Variants in NKAIN2 observed in about 807,000 individuals in gnomAD.
The protein encoded by NKAIN2 is sodium/potassium-transporting ATPase subunit beta-1-interacting protein 2.
In NKAIN2, 14 loss-of-function variants were observed where a neutral mutation model predicts 32.6. The ratio of observed to expected loss-of-function variants is 0.43; its 90% CI spans 0.28 to 0.67. The LOEUF is 0.67. Among genes scored for constraint, NKAIN2 ranks in the 30% least tolerant of loss-of-function variants. The pLI, the probability that NKAIN2 is intolerant of heterozygous loss-of-function variation, is 0.17. For missense variants in NKAIN2, 198 were observed against 258.3 expected (o/e 0.77, Z 1.60); for synonymous variants, 80 against 87.2 (o/e 0.92, Z 0.46).
chr6:123,835,022 T>C (rs1774556056), intron 1 of NKAIN2, among the ~76,000 whole-genome samples: 1 of 152,194 alleles, frequency 6.6e-6, no homozygotes. Flanking sequence ...CTTAGTCTTT[T>C]GTTTTCTTGT....
At chr6:124,733,196 GT>G (rs1476394572) in intron 4 of NKAIN2, among the ~76,000 whole-genome samples, 1 of 151,898 alleles carries the variant, frequency 6.6e-6, no homozygotes, top group Non-Finnish European at 1.5e-5. Flanking sequence ...TACAGGGGAT[GT>G]TTTAGGGTGG....
chr6:124,359,398 G>C (rs544552219), intron 3 of NKAIN2, among the ~76,000 whole-genome samples: 71 of 152,058 alleles, frequency 4.7e-4, no homozygotes, highest in African/African-American at 1.5e-3. Flanking sequence ...TTCTTCTTAC[G>C]CATGAGCATG....
At chr6:123,894,218 G>A (rs1172732449) in intron 1 of NKAIN2, among the ~76,000 whole-genome samples, 1 of 152,018 alleles carries the variant, frequency 6.6e-6, no homozygotes, top group African/African-American at 2.4e-5. Flanking sequence ...TCCTGTTCAT[G>A]GCTGGTGACT....
chr6:123,912,226 CTAA>C (rs2114461135), intron 1 of NKAIN2, among the ~76,000 whole-genome samples: 1 of 152,010 alleles, frequency 6.6e-6, no homozygotes, highest in African/African-American at 2.4e-5. Flanking sequence ...AAATATATGA[CTAA>C]TGACTGGATT....
chr6:124,235,602 G>T (rs1316366513), intron 1 of NKAIN2, among the ~76,000 whole-genome samples: 6 of 147,460 alleles, frequency 4.1e-5, no homozygotes, highest in African/African-American at 1.5e-4. Flanking sequence ...TTTTTTTGTT[G>T]TTTTTTTTTT....
chr6:123,913,410 A>G (rs1040277562), intron 1 of NKAIN2, among the ~76,000 whole-genome samples: 1 of 152,142 alleles, frequency 6.6e-6, no homozygotes, highest in Non-Finnish European at 1.5e-5. Flanking sequence ...TTAGGTCATG[A>G]CCATCTTCTC....
intron 1 of NKAIN2, among the ~76,000 whole-genome samples, chr6:123,837,684 A>AG (rs1421327408): frequency 6.6e-6 from 1 of 152,148 alleles, no homozygotes; most frequent in East Asian, 1.9e-4. Flanking sequence ...TACCACTCAG[A>AG]GTAAAACCGA....
chr6:123,865,764 A>G (rs1301252432), intron 1 of NKAIN2, among the ~76,000 whole-genome samples: 1 of 152,166 alleles, frequency 6.6e-6, no homozygotes, highest in Non-Finnish European at 1.5e-5. Context: ...ACCAAAATCA[A>G]TGGTGGTTGG....
chr6:124,595,139 A>G (rs996008494), intron 3 of NKAIN2, among the ~76,000 whole-genome samples: 9 of 152,214 alleles, frequency 5.9e-5, no homozygotes, highest in Non-Finnish European at 4.4e-5. Context: ...CTGAGATTAG[A>G]AATCATGAAT....
chr6:123,858,063 A>G (rs1055554661), intron 1 of NKAIN2, among the ~76,000 whole-genome samples: 1 of 152,174 alleles, frequency 6.6e-6, no homozygotes, highest in Admixed American at 6.5e-5. Context: ...GAAGAAAGGA[A>G]TTTAAATATT....
chr6:124,171,708 G>T (rs988437557), intron 1 of NKAIN2, among the ~76,000 whole-genome samples: 2 of 151,542 alleles, frequency 1.3e-5, no homozygotes, highest in Non-Finnish European at 2.9e-5. Context: ...ATGCTGCCAC[G>T]CCCGGCTAAT....
chr6:123,996,880 A>G (rs774356881), intron 1 of NKAIN2, among the ~76,000 whole-genome samples: 9 of 152,222 alleles, frequency 5.9e-5, no homozygotes, highest in Non-Finnish European at 1.0e-4. Flanking sequence ...TTACCGTGCT[A>G]AAATGGTAAA....
intron 2 of NKAIN2, among the ~76,000 whole-genome samples, chr6:124,300,490 G>A (rs575936463): frequency 1.2e-4 from 18 of 152,190 alleles, no homozygotes; most frequent in Non-Finnish European, 2.2e-4. Flanking sequence ...TACCAGTAAA[G>A]TGGGATGCTG....
intron 3 of NKAIN2, among the ~76,000 whole-genome samples, chr6:124,450,867 A>G (rs968698803): frequency 6.6e-6 from 1 of 151,986 alleles, no homozygotes; most frequent in African/African-American, 2.4e-5. Context: ...GAACTCCACT[A>G]TTTTCTCACC....
intron 4 of NKAIN2, among the ~76,000 whole-genome samples, chr6:124,695,130 T>C (rs7750556): frequency 0.18 from 26,632 of 151,238 alleles, 2,605 homozygotes; most frequent in East Asian, 0.34. Flanking sequence ...CATTTGTCTT[T>C]AACTAGGTAA....
intron 3 of NKAIN2, among the ~76,000 whole-genome samples, chr6:124,368,784 G>T (rs1386676394): frequency 2.0e-5 from 3 of 152,072 alleles, no homozygotes; most frequent in Non-Finnish European, 4.4e-5. Context: ...GACTTTTATG[G>T]TTTTATCTGT....
chr6:124,010,322 G>C (rs1036555470), intron 1 of NKAIN2, among the ~76,000 whole-genome samples: 1 of 152,014 alleles, frequency 6.6e-6, no homozygotes, highest in African/African-American at 2.4e-5. Flanking sequence ...GGTGGTCAAA[G>C]TTATAGAAAG....
At chr6:124,470,211 C>T (rs1394738416) in intron 3 of NKAIN2, among the ~76,000 whole-genome samples, 1 of 152,032 alleles carries the variant, frequency 6.6e-6, no homozygotes, top group Non-Finnish European at 1.5e-5. Flanking sequence ...GGCTGCAGCT[C>T]AGAACATCAA....
intron 3 of NKAIN2, among the ~76,000 whole-genome samples, chr6:124,401,951 G>A (rs1484093243): frequency 6.6e-6 from 1 of 152,050 alleles, no homozygotes; most frequent in African/African-American, 2.4e-5. Context: ...AGCATTTTGT[G>A]TCCTGTTTAA....
Sources: allele counts gnomAD v4.1 joint callset (sites outside exome capture counted in the v4.1 genomes callset), GRCh38; gene constraint gnomAD v4.1.1; transcripts MANE v1.5; gene names NCBI Gene and HGNC (gene_info 2026-07-23, HGNC 2026-07-21).